INTS6: variants seen among roughly 807,000 people sequenced by gnomAD.
INTS6 encodes DEAD box protein.
INTS6 carries 16 observed loss-of-function variants against 104.9 expected under a neutral mutation model. The observed-to-expected ratio is 0.15, with a 90% CI of 0.10 to 0.23. INTS6 has a LOEUF of 0.23. Ranked by LOEUF, INTS6 falls within the 10% of genes least tolerant of loss-of-function variation. The pLI, the probability that INTS6 is intolerant of heterozygous loss-of-function variation, is 1.00. For synonymous variants in INTS6, 324 were observed against 358.7 expected, an observed-to-expected ratio of 0.90 and a Z score of 1.09; for missense variants, 584 against 1,062.8, an observed-to-expected ratio of 0.55 and a Z score of 6.26.
chr13:51,450,344 C>G, intron 3 of INTS6: 1 of 985,390 alleles, frequency 1.0e-6, no homozygotes, highest in Non-Finnish European at 1.2e-6. Flanking sequence ...TCCTCAAATA[C>G]ATGAAAGTAA....
At chr13:51,439,563 C>T (rs755865735) in intron 3 of INTS6, 13 of 152,104 alleles carry the variant, frequency 8.5e-5, no homozygotes, top group South Asian at 6.2e-4. Context: ...CAAATCTACA[C>T]GACAAATAAA....
chr13:51,420,040 A>G (rs1450910477), intron 4 of INTS6, among the ~76,000 whole-genome samples: 1 of 152,238 alleles, frequency 6.6e-6, no homozygotes, highest in African/African-American at 2.4e-5. Context: ...TAGTTCCAGT[A>G]CACACTATAC....
At chr13:51,424,458 TTTAA>T (rs1396255622) in intron 4 of INTS6, among the ~76,000 whole-genome samples, 14 of 152,130 alleles carry the variant, frequency 9.2e-5, no homozygotes, top group East Asian at 3.9e-4. Context: ...CATCAACTTC[TTTAA>T]TTATGCATTA....
At position 51,369,113 on chromosome 13, in the gene INTS6, C is replaced by T. The variant is rs767051927; in HGVS notation, c.2302G>A (p.Gly768Ser). The T allele has an allele frequency of 6.2e-7, 1 of 1,613,690 alleles. No individual in the cohort carries two copies. The highest frequency in any genetic ancestry group is 1.1e-5 in the South Asian group (1 of 91,064). Residue 768 changes from glycine (G) to serine (S), a missense_variant, in exon 16 of 18, where the codon GGT becomes AGT. Physicochemically the swap from Gly to Ser is moderately conservative, Grantham distance 56. This residue lies in a region of INTS6 where 296 missense variants were observed against 437.0 expected (regional missense o/e 0.68). Transcript: ENST00000311234. Reference sequence around the variant, plus strand: ...TCCTCATGATTTTCTAAAAATCCACCAACAGTGAGGTCATTGGTTCCTAAA... The same window carrying T: ...TCCTCATGATTTTCTAAAAATCCACTAACAGTGAGGTCATTGGTTCCTAAA... ...DHLGTNDLTV[G>S]GFLENHEEPR...
At chr13:51,418,006 C>G (rs959783082) in intron 4 of INTS6, among the ~76,000 whole-genome samples, 2 of 152,184 alleles carry the variant, frequency 1.3e-5, no homozygotes, top group African/African-American at 4.8e-5. Context: ...ATCAGCCTTA[C>G]TAAGACATTT....
downstream of INTS6, among the ~76,000 whole-genome samples, chr13:51,349,677 C>T (rs1277194543): frequency 6.6e-6 from 1 of 152,214 alleles, no homozygotes; most frequent in Non-Finnish European, 1.5e-5. Context: ...ACTGAGAACT[C>T]TCCACCGTCC....
chr13:51,351,178 ACTAGGT>A (rs1235185023), downstream of INTS6, among the ~76,000 whole-genome samples: 1 of 152,194 alleles, frequency 6.6e-6, no homozygotes, highest in African/African-American at 2.4e-5. Context: ...GAATGCAATT[ACTAGGT>A]CATGTGGTAA....
chr13:51,404,841 A>C (rs1956530106), intron 4 of INTS6, among the ~76,000 whole-genome samples: 1 of 152,170 alleles, frequency 6.6e-6, no homozygotes, highest in Admixed American at 6.5e-5. Flanking sequence ...TTTATTGTCA[A>C]CATGTGGGGA....
At chr13:51,412,313 G>A (rs1434912490) in intron 4 of INTS6, among the ~76,000 whole-genome samples, 1 of 151,932 alleles carries the variant, frequency 6.6e-6, no homozygotes, top group African/African-American at 2.4e-5. Context: ...CTCAACAAAG[G>A]GGACAATAAC....
the INTS6 span, among the ~76,000 whole-genome samples, chr13:51,334,982 C>CAAAAAA: frequency 1.4e-5 from 1 of 70,806 alleles, no homozygotes; most frequent in Non-Finnish European, 2.8e-5. Context: ...GACTCCGTCT[C>CAAAAAA]AAAAAAAAAA....
rs145230514 is a variant in INTS6, at chr13:51,450,283, C to T, written c.339+742G>A. 5.1e-6 allele frequency: 5 copies of T among 985,036 alleles called. No homozygotes were observed. In the African/African-American group the frequency reaches 7.0e-5, roughly 14 times the overall value. The allele number at this position is 985,036 out of a possible 1,614,324, so 61.0% of individuals were successfully genotyped here. ...TAATATCATAAAATGTTACAATAGA[C>T]CACCTTGCATTATTCCTTAGTGAAT... On this transcript the variant is annotated intron_variant, in intron 3 of 17. Coordinates refer to ENST00000311234, the MANE Select transcript of INTS6 (RefSeq NM_012141.3).
At chr13:51,354,940 G>A (rs886373005) in intron 3 of INTS6, 1 of 649,908 alleles carries the variant, frequency 1.5e-6, no homozygotes, top group Admixed American at 2.5e-5. Flanking sequence ...ATCTGGTGGA[G>A]CCAGCCTGAC....
the INTS6 span, among the ~76,000 whole-genome samples, chr13:51,346,630 C>T: frequency 6.6e-6 from 1 of 152,236 alleles, no homozygotes; most frequent in African/African-American, 2.4e-5. Flanking sequence ...TTCTCACTTT[C>T]CATTTCCCTC....
chr13:51,377,940 A>G (rs1302840859), intron 12 of INTS6, among the ~76,000 whole-genome samples: 1 of 152,108 alleles, frequency 6.6e-6, no homozygotes, highest in African/African-American at 2.4e-5. Flanking sequence ...CAGTTTAAGT[A>G]CAAAACTATA....
chr13:51,393,234 C>T (rs61956944), intron 5 of INTS6, among the ~76,000 whole-genome samples: 5,261 of 152,172 alleles, frequency 0.035, 105 homozygotes, highest in South Asian at 0.062. Context: ...TGTGCCATCA[C>T]GCCCAGCTAA....
rs144523308 is a variant in INTS6, at chr13:51,396,394, C to T, written c.430-911G>A. Among the ~76,000 whole-genome samples the T allele has an allele frequency of 1.3e-3, 203 of 152,182 alleles. 1 individual carries two copies. The highest frequency in any genetic ancestry group is 4.8e-3 in the African/African-American group (198 of 41,520). The stretch of plus-strand genomic sequence containing the variant: ...CATGTTTTATTAATAATAGATGTTT[C>T]TTCCCTTACACCTGCTAAGTTAGAA... On this transcript the variant is annotated intron_variant, in intron 4 of 17. Coordinates refer to ENST00000311234, the MANE Select transcript of INTS6 (RefSeq NM_012141.3).
chr13:51,349,972 A>G (rs953609211), downstream of INTS6, among the ~76,000 whole-genome samples: 20 of 152,224 alleles, frequency 1.3e-4, no homozygotes, highest in African/African-American at 4.6e-4. Flanking sequence ...CAAAACAAAA[A>G]AAGTAAAAAC....
intron 4 of INTS6, among the ~76,000 whole-genome samples, chr13:51,411,380 C>A (rs1363653638): frequency 6.6e-6 from 1 of 151,352 alleles, no homozygotes; most frequent in African/African-American, 2.4e-5. Flanking sequence ...ATGGTGAAAC[C>A]CGTCTCTACT....
chr13:51,450,940 T>G, intron 3 of INTS6, 85 bp downstream of exon 3: 1 of 1,383,088 alleles, frequency 7.2e-7, no homozygotes. Flanking sequence ...ATACTTGCAT[T>G]TCATGTTATG....
Sources: gnomAD v4.1 joint callset for allele counts (sites outside exome capture counted in the v4.1 genomes callset) on GRCh38, gnomAD v4.1.1 for gene constraint, gnomAD v4.1.1 regional missense constraint, MANE v1.5 for transcripts, NCBI Gene and HGNC (gene_info 2026-07-23, HGNC 2026-07-21) for gene names.